The following IL3RA variants were observed in gnomAD, a reference collection of about 807,000 sequenced individuals.
IL3RA encodes interleukin-3 receptor subunit alpha.
A neutral mutation model predicts 52.3 loss-of-function variants in IL3RA; 73 were observed. That is an observed-to-expected ratio of 1.40 (90% CI 1.16 to 1.70). The LOEUF (loss-of-function observed/expected upper bound fraction) is 1.70, where lower values mean the gene tolerates loss of function less well. IL3RA is among the 40% of genes most tolerant of loss of function. The pLI is 0.00. For missense variants in IL3RA, 664 were observed against 504.4 expected, an observed-to-expected ratio of 1.32 and a Z score of -3.03; for synonymous variants, 260 against 194.0, an observed-to-expected ratio of 1.34 and a Z score of -2.83.
At chrX:1,346,059 A>G (rs1167846615) in intron 3 of IL3RA, among the ~76,000 whole-genome samples, 1 of 151,774 alleles carries the variant, frequency 6.6e-6, no homozygotes. Flanking sequence ...TCACGTCTGT[A>G]ATCCCAGCAC....
Position 1,356,491 on chromosome X carries a change from C to T in IL3RA, c.732+155C>T, listed in dbSNP as rs188382172. 4.3e-3 allele frequency among the ~76,000 whole-genome samples: 647 copies of T among 151,050 alleles called. 6 individuals are homozygous for T. The highest frequency in any genetic ancestry group is 0.015 in the African/African-American group (603 of 41,412). On this transcript the variant is annotated intron_variant, in intron 7 of 11. Transcript: ENST00000331035. Reference sequence around the variant, plus strand: ...AAAAACAAAAACAAAAACAAAAGGCCGGGCGCTGTGGCTCACGCCTGTCAT... The same window carrying T: ...AAAAACAAAAACAAAAACAAAAGGCTGGGCGCTGTGGCTCACGCCTGTCAT...
chrX:1,380,615 AGTGG>A (rs1242571505), intron 10 of IL3RA, among the ~76,000 whole-genome samples: 3 of 41,232 alleles, frequency 7.3e-5, no homozygotes, highest in Admixed American at 2.7e-4. Context: ...GGGGAGGATG[AGTGG>A]GGAGGGGGAA....
Position 1,356,253 on chromosome X carries a change from T to C in IL3RA, c.649T>C (p.Cys217Arg). Residue 217 changes from cysteine (C) to arginine (R), a missense_variant, in exon 7 of 12, where the codon TGT becomes CGT. Physicochemically the swap from Cys to Arg is radical, Grantham distance 180. Coordinates refer to ENST00000331035, the MANE Select transcript of IL3RA (RefSeq NM_002183.4). ...ILTPPNMTAK[C>R]NKTHSFMHWK... Reference sequence around the variant, plus strand: ...AACTCCACCCAACATGACTGCAAAGTGTAATAAGACACATTCCTTTATGCA... The same window carrying C: ...AACTCCACCCAACATGACTGCAAAGCGTAATAAGACACATTCCTTTATGCA... 1 of 1,613,438 alleles carries C rather than the reference T, an allele frequency of 6.2e-7. No homozygotes were observed. The highest frequency in any genetic ancestry group is 1.3e-5 in the African/African-American group (1 of 75,018).
intron 9 of IL3RA, among the ~76,000 whole-genome samples, chrX:1,367,929 G>A (rs1284649314): frequency 6.6e-6 from 1 of 151,992 alleles, no homozygotes; most frequent in Non-Finnish European, 1.5e-5. Flanking sequence ...GAACCCGACG[G>A]TGAACTCACA....
chrX:1,349,502 G>A (rs1164634163), intron 4 of IL3RA, among the ~76,000 whole-genome samples: 1 of 151,500 alleles, frequency 6.6e-6, no homozygotes, highest in Non-Finnish European at 1.5e-5. Context: ...TGTAGAGATG[G>A]GGTGTCGCTA....
chrX:1,341,592 A>C, intron 1 of IL3RA, 136 bp from the exon 2 acceptor site: 2 of 668,960 alleles, frequency 3.0e-6, no homozygotes, highest in Non-Finnish European at 5.3e-6. Context: ...ACATATGCAC[A>C]CTCACCACCG....
At chrX:1,367,629 GGGGTGCGCC>G (rs1245190464) in intron 9 of IL3RA, among the ~76,000 whole-genome samples, 1 of 96,742 alleles carries the variant, frequency 1.0e-5, no homozygotes, top group Non-Finnish European at 2.0e-5. Context: ...CGGGGTGAGC[GGGGTGCGCC>G]GGGTGAGCCG....
intron 3 of IL3RA, among the ~76,000 whole-genome samples, chrX:1,346,635 C>G (rs1462847279): frequency 6.8e-6 from 1 of 147,968 alleles, no homozygotes; most frequent in South Asian, 2.1e-4. Context: ...AAAGCAAAAA[C>G]AAAACAAAAG....
rs1231802104 is a variant in IL3RA at position 1,336,915 on chromosome X, T to C, written c.-50T>C. On this transcript the variant is annotated 5_prime_UTR_variant, in exon 1 of 12. Transcript: ENST00000331035. ...CTGTTTCTTCCACACAGTACTTTGATCTCCATTTAAGGTAAGGTCCCCCCT... is the reference window on the plus strand; with the variant it reads ...CTGTTTCTTCCACACAGTACTTTGACCTCCATTTAAGGTAAGGTCCCCCCT... 6.6e-6 allele frequency: 1 copy of C among 152,208 alleles called. No individual in the cohort carries two copies. Among genetic ancestry groups the C allele is most frequent in the African/African-American group, 2.4e-5 (1 of 41,440 alleles). The allele number at this position is 152,208 out of a possible 1,614,324, so 9.4% of individuals were successfully genotyped here. A position where few individuals can be genotyped will look rare whatever the true frequency, so the allele number is the denominator to read the frequency against.
chrX:1,342,409 G>A (rs775932792), intron 2 of IL3RA, among the ~76,000 whole-genome samples: 2 of 152,036 alleles, frequency 1.3e-5, no homozygotes, highest in South Asian at 4.2e-4. Context: ...CAAGTGATCC[G>A]TCTGCCTTGG....
chrX:1,381,362 C>A (rs1352296914), intron 11 of IL3RA, among the ~76,000 whole-genome samples: 1 of 152,092 alleles, frequency 6.6e-6, no homozygotes, highest in Non-Finnish European at 1.5e-5. Flanking sequence ...CGAGCCACTG[C>A]ACTCCATCTG....
Position 1,348,470 on chromosome X carries a change from T to C in IL3RA, c.223T>C (p.Leu75=), listed in dbSNP as rs750775129. ...NSYCQFGAIS[L]CEVTNYTVRV... is the part of the protein sequence containing the mutation. ...CTATTGCCAGTTTGGAGCAATTTCC[T>C]TATGTGAAGTGACCAACTACACCGT... The change falls in exon 4 of 12, where the codon TTA becomes CTA. Residue 75 remains leucine, a synonymous_variant. Transcript: ENST00000331035. 1 of 1,613,914 alleles carries C rather than the reference T, an allele frequency of 6.2e-7. No individual in the cohort carries two copies. Among genetic ancestry groups the C allele is most frequent in the East Asian group, 2.2e-5 (1 of 44,878 alleles).
chrX:1,341,058 A>AG (rs2085469564), intron 1 of IL3RA, among the ~76,000 whole-genome samples: 1 of 152,120 alleles, frequency 6.6e-6, no homozygotes, highest in Admixed American at 6.6e-5. Context: ...CGGAGGTTGC[A>AG]GTGAGCCCAG....
intron 6 of IL3RA, among the ~76,000 whole-genome samples, chrX:1,354,454 C>A (rs1196478477): frequency 2.1e-5 from 3 of 141,114 alleles, no homozygotes; most frequent in Non-Finnish European, 3.0e-5. Flanking sequence ...AGGAGAAGGA[C>A]AAGGAGAAGA....
At chrX:1,360,574 G>A (rs1362098886) in intron 8 of IL3RA, among the ~76,000 whole-genome samples, 5 of 151,620 alleles carry the variant, frequency 3.3e-5, no homozygotes, top group Non-Finnish European at 5.9e-5. Context: ...GCTGGAGTGC[G>A]ATGGCACGAT....
intron 8 of IL3RA, among the ~76,000 whole-genome samples, chrX:1,360,943 T>G (rs1190690682): frequency 5.1e-5 from 1 of 19,590 alleles, no homozygotes; most frequent in East Asian, 1.1e-3. Flanking sequence ...CTCTCTCCCT[T>G]CCCCTCTGTC....
intron 4 of IL3RA, among the ~76,000 whole-genome samples, chrX:1,349,372 G>A (rs1217041888): frequency 6.6e-6 from 1 of 151,830 alleles, no homozygotes; most frequent in African/African-American, 2.4e-5. Context: ...AGTAGAGATG[G>A]GGTTTCACCA....
At chrX:1,380,876 C>A in intron 10 of IL3RA, 147 bp from the exon 11 acceptor site, 1 of 719,574 alleles carries the variant, frequency 1.4e-6, no homozygotes, top group Non-Finnish European at 2.5e-6. Flanking sequence ...GTCAGGGCCT[C>A]AGGGGCCGGG....
chrX:1,364,135 C>T (rs1424593723), intron 8 of IL3RA, among the ~76,000 whole-genome samples: 1 of 150,910 alleles, frequency 6.6e-6, no homozygotes, highest in Non-Finnish European at 1.5e-5. Context: ...TTGCAGTGAG[C>T]CGAGATCACG....
Sources: allele counts gnomAD v4.1 joint callset (sites outside exome capture counted in the v4.1 genomes callset), GRCh38; gene constraint gnomAD v4.1.1; transcripts MANE v1.5; gene names NCBI Gene and HGNC (gene_info 2026-07-23, HGNC 2026-07-21).